The following KLC1 variants were observed in gnomAD, a reference collection of about 807,000 sequenced individuals.
KLC1 encodes the protein kinesin 2 60/70kDa.
KLC1 carries 30 observed loss-of-function variants against 84.2 expected under a neutral mutation model. The ratio of observed to expected loss-of-function variants is 0.36; its 90% CI spans 0.27 to 0.48. The LOEUF (loss-of-function observed/expected upper bound fraction) is 0.48. Ranked by LOEUF, KLC1 falls within the 20% of genes least tolerant of loss-of-function variation. The probability of loss-of-function intolerance (pLI) is 0.99; values close to 1 mark genes in which losing one functional copy is unlikely to be tolerated. For synonymous variants in KLC1, 289 were observed against 293.3 expected (o/e 0.99, Z 0.15); for missense variants, 499 against 805.4 (o/e 0.62, Z 4.60).
chr14:103,631,354 A>G (rs984393346), intron 1 of KLC1, among the ~76,000 whole-genome samples: 1 of 152,188 alleles, frequency 6.6e-6, no homozygotes, highest in Non-Finnish European at 1.5e-5. Context: ...TGCTGGGATT[A>G]CAGGCGTGAG....
Position 103,692,404 on chromosome 14 carries a change from G to T in KLC1, c.1827G>T (p.Lys609Asn), listed in dbSNP as rs578089852. The T allele has an allele frequency of 6.5e-7, 1 of 1,536,680 alleles. No homozygotes were observed. Among genetic ancestry groups the T allele is most frequent in the Middle Eastern group, 1.7e-4 (1 of 5,996 alleles). ...TGAATGTCCTTAACGTGGGTGGCAAGGCTGCTGAAGATCGCTTTCAAGTAA... is the reference window on the plus strand; with the variant it reads ...TGAATGTCCTTAACGTGGGTGGCAATGCTGCTGAAGATCGCTTTCAAGTAA... ...SSLNVLNVGG[K>N]AAEDRFQGVS... Residue 609 changes from lysine to asparagine, a missense_variant, in exon 15 of 17, where the codon AAG (lysine) becomes AAT (asparagine). Physicochemically the swap from Lys to Asn is moderately conservative, Grantham distance 94. Coordinates refer to ENST00000334553, the MANE Select transcript of KLC1 (RefSeq NM_001394837.1).
rs1185385881 is a variant in KLC1, at chr14:103,691,060, T to C, written c.1782-1299T>C. 1.3e-5 allele frequency among the ~76,000 whole-genome samples: 2 copies of C among 152,130 alleles called. 1 individual carries two copies. The highest frequency in any genetic ancestry group is 4.1e-4 in the South Asian group (2 of 4,830). ...TTTTGAGTGTCTCTTCATGATCCCT[T>C]AGTGGTGACGAGTCTGACATGAGCC... is the stretch of plus-strand genomic sequence containing the variant. On this transcript the variant is annotated intron_variant, in intron 14 of 16. Coordinates refer to ENST00000334553, the MANE Select transcript of KLC1 (RefSeq NM_001394837.1).
At chr14:103,632,439 C>T (rs977258049) in intron 1 of KLC1, among the ~76,000 whole-genome samples, 10 of 150,906 alleles carry the variant, frequency 6.6e-5, no homozygotes, top group African/African-American at 1.7e-4. Flanking sequence ...CGCTGTCAGC[C>T]GTGCAGTGGC....
At chr14:103,697,145 C>T in intron 15 of KLC1, 1 of 983,760 alleles carries the variant, frequency 1.0e-6, no homozygotes, top group African/African-American at 1.7e-5. Context: ...GTCTTACTTG[C>T]CATTGTAGAA....
chr14:103,662,560 G>T, intron 4 of KLC1, 142 bp from the exon 5 acceptor site: 1 of 663,436 alleles, frequency 1.5e-6, no homozygotes, highest in Non-Finnish European at 2.5e-6. Context: ...TGCCTGCCCA[G>T]ACAGTACTAG....
chr14:103,685,922 A>T, intron 13 of KLC1: 1 of 1,120,626 alleles, frequency 8.9e-7, no homozygotes. Flanking sequence ...ATTAAGAGCG[A>T]TTAGCTGTTC....
Position 103,665,388 on chromosome 14 carries a change from TTCTG to T in KLC1, c.797+2477_797+2480del, listed in dbSNP as rs542619578. Among the ~76,000 whole-genome samples the T allele has an allele frequency of 6.8e-4, 104 of 152,006 alleles. 3 individuals carry two copies. The South Asian group carries it at 0.017, about 24-fold the overall frequency. ...GGATTGATTGATTTCTTTTCTTTCT[TTCTG>T]TCTGTCTGTCTGTCTTTCTGTCTTG... On this transcript the variant is annotated intron_variant, in intron 5 of 16. Transcript: ENST00000334553.
intron 1 of KLC1, among the ~76,000 whole-genome samples, chr14:103,640,084 T>C (rs1335648262): frequency 6.6e-6 from 1 of 152,080 alleles, no homozygotes; most frequent in Non-Finnish European, 1.5e-5. Flanking sequence ...TTCTTTATTT[T>C]TGAGACAGAG....
chr14:103,677,739 A>T (rs945766631), intron 12 of KLC1, among the ~76,000 whole-genome samples: 5 of 151,254 alleles, frequency 3.3e-5, no homozygotes, highest in African/African-American at 1.2e-4. Flanking sequence ...TGGGCAGATC[A>T]CCTGAGGTCA....
At chr14:103,685,893 G>A (rs765982661) in intron 13 of KLC1, 13 of 1,132,102 alleles carry the variant, frequency 1.1e-5, no homozygotes, top group African/African-American at 1.6e-5. Flanking sequence ...CATTTACTGT[G>A]TAATACACGA....
intron 15 of KLC1, chr14:103,699,845 G>C: frequency 1.9e-6 from 1 of 519,572 alleles, no homozygotes; most frequent in South Asian, 2.0e-5. Flanking sequence ...CCTTGGCTGT[G>C]CCAACACCGT....
rs566675915 is a variant in KLC1, at chr14:103,667,853, G to T, written c.798-1658G>T. ...TTACTACTACTCAATTGAGAAAGAT[G>T]TGTGCTAAGTCTCAAAAGCAAGTAC... On this transcript the variant is annotated intron_variant, in intron 5 of 16. Coordinates refer to ENST00000334553, the MANE Select transcript of KLC1 (RefSeq NM_001394837.1). 6.6e-5 allele frequency among the ~76,000 whole-genome samples: 10 copies of T among 152,314 alleles called. 1 individual carries two copies. The highest frequency in any genetic ancestry group is 1.3e-4 in the Admixed American group (2 of 15,284).
At chr14:103,684,379 T>C (rs2081610161) in intron 13 of KLC1, among the ~76,000 whole-genome samples, 1 of 152,246 alleles carries the variant, frequency 6.6e-6, no homozygotes, top group African/African-American at 2.4e-5. Context: ...GTAGACAGTT[T>C]CTTAAGCTGT....
intron 2 of KLC1, among the ~76,000 whole-genome samples, chr14:103,655,277 A>G (rs1226190379): frequency 6.6e-6 from 1 of 152,014 alleles, no homozygotes; most frequent in East Asian, 1.9e-4. Context: ...TTAATAAATT[A>G]CTATTGATTT....
At chr14:103,678,163 T>C (rs1206781717) in intron 12 of KLC1, among the ~76,000 whole-genome samples, 2 of 152,200 alleles carry the variant, frequency 1.3e-5, no homozygotes, top group African/African-American at 4.8e-5. Flanking sequence ...CTGGGGAGGC[T>C]GAGGCAGGAG....
chr14:103,639,540 T>C (rs1228730232), intron 1 of KLC1, among the ~76,000 whole-genome samples: 2 of 152,164 alleles, frequency 1.3e-5, no homozygotes, highest in African/African-American at 4.8e-5. Context: ...GCTCCCAGGC[T>C]CAAACAATCC....
intron 5 of KLC1, among the ~76,000 whole-genome samples, chr14:103,665,627 G>A (rs2079714773): frequency 6.6e-6 from 1 of 152,160 alleles, no homozygotes; most frequent in South Asian, 2.1e-4. Flanking sequence ...AGTAGAGACA[G>A]TGTTTTGTCA....
chr14:103,686,232 T>C, intron 13 of KLC1: 1 of 986,382 alleles, frequency 1.0e-6, no homozygotes, highest in Non-Finnish European at 1.2e-6. Flanking sequence ...CTGACCTGTG[T>C]CTTGGTGTCT....
At chr14:103,646,222 T>TTTAG (rs2077912570) in intron 1 of KLC1, among the ~76,000 whole-genome samples, 1 of 152,196 alleles carries the variant, frequency 6.6e-6, no homozygotes, top group African/African-American at 2.4e-5. Flanking sequence ...GGCCTTCTCT[T>TTTAG]TTAGTCATTA....
Sources: allele counts gnomAD v4.1 joint callset (sites outside exome capture counted in the v4.1 genomes callset), GRCh38; gene constraint gnomAD v4.1.1; transcripts MANE v1.5; gene names NCBI Gene and HGNC (gene_info 2026-07-23, HGNC 2026-07-21).